Variants in CYP2J2 observed in about 807,000 individuals in gnomAD.
CYP2J2 encodes cytochrome P450 family 2 subfamily J member 2.
CYP2J2 carries 41 observed loss-of-function variants against 48.8 expected under a neutral mutation model. The ratio of observed to expected loss-of-function variants is 0.84; its 90% CI spans 0.66 to 1.09. The LOEUF (loss-of-function observed/expected upper bound fraction) is 1.09, where lower values mean the gene tolerates loss of function less well. Ranked by LOEUF, CYP2J2 falls within the 50% of genes least tolerant of loss-of-function variation. The pLI is 0.00. For missense variants in CYP2J2, 644 were observed against 617.3 expected (o/e 1.04, Z -0.46); for synonymous variants, 221 against 227.1 (o/e 0.97, Z 0.24).
the CYP2J2 span, among the ~76,000 whole-genome samples, chr1:59,947,754 T>TC: frequency 1.3e-5 from 2 of 152,154 alleles, no homozygotes; most frequent in Non-Finnish European, 2.9e-5. Context: ...CAGCTTAACT[T>TC]CCCATCCTTG....
intron 8 of CYP2J2, 121 bp downstream of exon 8, chr1:59,900,844 T>A: frequency 9.0e-7 from 1 of 1,109,340 alleles, no homozygotes; most frequent in Non-Finnish European, 1.3e-6. Flanking sequence ...CAAGATGGAG[T>A]GAGTCGCACT....
chr1:59,894,981 TAGAC>T (rs1644256275), intron 8 of CYP2J2, among the ~76,000 whole-genome samples: 1 of 152,222 alleles, frequency 6.6e-6, no homozygotes, highest in East Asian at 1.9e-4. Context: ...CTTGCAGAGA[TAGAC>T]AAAGAACTTG....
At chr1:59,931,168 A>G (rs891687751), upstream of CYP2J2, among the ~76,000 whole-genome samples, 3 of 152,184 alleles carry the variant, frequency 2.0e-5, no homozygotes, top group Non-Finnish European at 2.9e-5. Context: ...AAACAATCAC[A>G]GGTTAATGGA....
At chr1:59,945,315 G>A in the CYP2J2 span, among the ~76,000 whole-genome samples, 1 of 151,376 alleles carries the variant, frequency 6.6e-6, no homozygotes, top group South Asian at 2.1e-4. Flanking sequence ...TTTCTACCAT[G>A]GCTATTCAAT....
chr1:59,919,043 G>A (rs1052442715), intron 1 of CYP2J2, among the ~76,000 whole-genome samples: 2 of 152,220 alleles, frequency 1.3e-5, no homozygotes, highest in Non-Finnish European at 1.5e-5. Context: ...GACATGAAAA[G>A]AGGAAAAGAA....
At chr1:59,958,875 C>T in the CYP2J2 span, among the ~76,000 whole-genome samples, 1 of 152,142 alleles carries the variant, frequency 6.6e-6, no homozygotes, top group Non-Finnish European at 1.5e-5. Context: ...ATCCCATTCT[C>T]CTTTCTAGTT....
At chr1:59,955,389 G>A in the CYP2J2 span, among the ~76,000 whole-genome samples, 50 of 151,256 alleles carry the variant, frequency 3.3e-4, no homozygotes, top group African/African-American at 1.1e-3. Flanking sequence ...ATAGGAAGGA[G>A]GGATGGCCCT....
At chr1:59,960,137 G>A in the CYP2J2 span, among the ~76,000 whole-genome samples, 1 of 152,154 alleles carries the variant, frequency 6.6e-6, no homozygotes, top group African/African-American at 2.4e-5. Flanking sequence ...GCACTTGAGT[G>A]CAGAGTTTAT....
intron 7 of CYP2J2, among the ~76,000 whole-genome samples, chr1:59,902,946 C>G (rs957305248): frequency 6.6e-6 from 1 of 152,220 alleles, no homozygotes; most frequent in South Asian, 2.1e-4. Context: ...AGCTCGTAGA[C>G]TGTGTAACAC....
chr1:59,902,975 C>T, intron 7 of CYP2J2, among the ~76,000 whole-genome samples: 1 of 152,196 alleles, frequency 6.6e-6, no homozygotes, highest in East Asian at 1.9e-4. Context: ...TTCAACTTGT[C>T]AGTTCCCAAG....
intron 5 of CYP2J2, 58 bp from the exon 6 acceptor site, chr1:59,907,985 C>A: frequency 6.4e-7 from 1 of 1,558,158 alleles, no homozygotes; most frequent in Non-Finnish European, 8.8e-7. Flanking sequence ...TCCTGATTGC[C>A]GTAACACAAA....
chr1:59,900,849 C>G lies in CYP2J2; in HGVS notation c.1330+116G>C. 5.0e-6 allele frequency: 6 copies of G among 1,204,944 alleles called. No individual in the cohort carries two copies. The South Asian group carries it at 8.6e-5, about 17-fold the overall frequency. The allele number at this position is 1,204,944 out of a possible 1,614,324, so 74.6% of individuals were successfully genotyped here. A position where few individuals can be genotyped will look rare whatever the true frequency, so the allele number is the denominator to read the frequency against. On this transcript the variant is annotated intron_variant, in intron 8 of 8. Transcript: ENST00000371204. The stretch of plus-strand genomic sequence containing the variant: ...CCCCCTACAGCAAGATGGAGTGAGT[C>G]GCACTGGCCAGGCTGTCTGGAGACA...
chr1:59,959,058 C>T, the CYP2J2 span, among the ~76,000 whole-genome samples: 1 of 152,130 alleles, frequency 6.6e-6, no homozygotes, highest in African/African-American at 2.4e-5. Flanking sequence ...AAAGCCATTG[C>T]TTTTATGTAT....
the CYP2J2 span, among the ~76,000 whole-genome samples, chr1:59,960,551 C>T: frequency 6.6e-6 from 1 of 152,192 alleles, no homozygotes; most frequent in Admixed American, 6.5e-5. Context: ...GGGCTTAATA[C>T]ATATTTTTGG....
chr1:59,897,247 A>G (rs902916327), intron 8 of CYP2J2, among the ~76,000 whole-genome samples: 1 of 152,224 alleles, frequency 6.6e-6, no homozygotes, highest in Non-Finnish European at 1.5e-5. Flanking sequence ...ATTATCCTAA[A>G]AGAATCCATA....
the CYP2J2 span, among the ~76,000 whole-genome samples, chr1:59,949,558 C>A: frequency 6.6e-6 from 1 of 152,092 alleles, no homozygotes; most frequent in Non-Finnish European, 1.5e-5. Context: ...AATAAGTGAA[C>A]ACCAATATCT....
At chr1:59,964,710 T>C in the CYP2J2 span, among the ~76,000 whole-genome samples, 1,193 of 152,376 alleles carry the variant, frequency 7.8e-3, 16 homozygotes, top group African/African-American at 0.027. Context: ...CACAGTCTGA[T>C]TAATTTAGTA....
the CYP2J2 span, among the ~76,000 whole-genome samples, chr1:59,955,720 T>C: frequency 5.1e-4 from 78 of 152,232 alleles, no homozygotes; most frequent in Middle Eastern, 3.4e-3. Context: ...ACTTAATGTA[T>C]GCACGAGGAA....
At chr1:59,946,353 T>C in the CYP2J2 span, among the ~76,000 whole-genome samples, 1 of 152,358 alleles carries the variant, frequency 6.6e-6, no homozygotes, top group South Asian at 2.1e-4. Context: ...CTCTTTCTGG[T>C]CTTTGCTCAG....
Sources: allele counts gnomAD v4.1 joint callset (sites outside exome capture counted in the v4.1 genomes callset), GRCh38; gene constraint gnomAD v4.1.1; transcripts MANE v1.5; gene names NCBI Gene and HGNC (gene_info 2026-07-23, HGNC 2026-07-21).